Variants in MMP2 observed in about 807,000 individuals in gnomAD.
MMP2 encodes the protein 72 kDa type IV collagenase.
In MMP2, 39 loss-of-function variants were observed where a neutral mutation model predicts 74.8. That is an observed-to-expected ratio of 0.52 (90% CI 0.40 to 0.68). The LOEUF (loss-of-function observed/expected upper bound fraction) is 0.68. Among genes scored for constraint, MMP2 ranks in the 30% least tolerant of loss-of-function variants. The pLI is 0.00. For synonymous variants in MMP2, 367 were observed against 339.8 expected, an observed-to-expected ratio of 1.08 and a Z score of -0.88; for missense variants, 803 against 878.3, an observed-to-expected ratio of 0.91 and a Z score of 1.08.
chr16:55,505,311 G>C (rs773774651), intron 12 of MMP2, 28 bp from the exon 13 acceptor site: 1 of 1,579,778 alleles, frequency 6.3e-7, no homozygotes, highest in East Asian at 2.2e-5. Context: ...GGATAAGGGG[G>C]TCACGGTCTC....
At chr16:55,503,114 G>C (rs1037978533) in intron 12 of MMP2, among the ~76,000 whole-genome samples, 1 of 152,226 alleles carries the variant, frequency 6.6e-6, no homozygotes, top group Non-Finnish European at 1.5e-5. Context: ...TCTCACAGCT[G>C]CAGGGCCTGG....
At chr16:55,486,622 A>T (rs1396175657) in intron 5 of MMP2, 4 of 152,082 alleles carry the variant, frequency 2.6e-5, no homozygotes, top group African/African-American at 9.7e-5. Flanking sequence ...AATCCTTTTT[A>T]AAAATATCCT....
Position 55,483,049 on chromosome 16 carries a change from G to T in MMP2, c.294G>T (p.Arg98=). 1 of 1,614,208 alleles carries T rather than the reference G, an allele frequency of 6.2e-7. No homozygotes were observed. The highest frequency in any genetic ancestry group is 1.3e-5 in the African/African-American group (1 of 75,042). Residue 98 remains arginine, a synonymous_variant, in exon 2 of 13, where the codon CGG becomes CGT. Transcript: ENST00000219070. ...ACCAGAATACCATCGAGACCATGCG[G>T]AAGCCACGCTGCGGCAACCCAGATG... ...DLDQNTIETM[R]KPRCGNPDVA... is the part of the protein sequence containing the mutation.
chr16:55,484,355 G>C (rs775465685), intron 3 of MMP2, among the ~76,000 whole-genome samples, 191 bp downstream of exon 3: 49 of 152,164 alleles, frequency 3.2e-4, no homozygotes, highest in Non-Finnish European at 5.3e-4. Flanking sequence ...ACGTTGACAT[G>C]GGGGCAGATG....
chr16:55,485,315 C>A lies in MMP2; in HGVS notation c.546C>A (p.Tyr182Ter). 4 of 1,614,108 alleles carry A rather than the reference C, an allele frequency of 2.5e-6. No homozygotes were observed. Among genetic ancestry groups the A allele is most frequent in the Non-Finnish European group, 3.4e-6 (4 of 1,180,010 alleles). ...GTGTTTCAGAGCATGGCGATGGATA[C>A]CCCTTTGACGGTAAGGACGGACTCC... Reference protein sequence around the residue: ...NFGRWEHGDGYPFDGKDGLLA... With the variant: ...NFGRWEHGDG The change falls in exon 4 of 13, where the codon TAC becomes TAA. Residue 182 changes from tyrosine to a stop codon, truncating the protein, a stop_gained. Transcript: ENST00000219070. LOFTEE classifies it high-confidence loss of function.
chr16:55,483,484 T>C (rs1962160225), intron 2 of MMP2, among the ~76,000 whole-genome samples: 1 of 152,194 alleles, frequency 6.6e-6, no homozygotes, highest in South Asian at 2.1e-4. Flanking sequence ...AGTGTAGTAA[T>C]GCTAGTCATT....
intron 6 of MMP2, among the ~76,000 whole-genome samples, chr16:55,489,215 G>T (rs1962339055): frequency 6.6e-6 from 1 of 151,994 alleles, no homozygotes; most frequent in Admixed American, 6.5e-5. Flanking sequence ...CGCCTGCTTT[G>T]TGCAGCATAC....
chr16:55,493,090 T>A (rs1962451195), intron 8 of MMP2, 68 bp from the exon 9 acceptor site: 1 of 1,596,618 alleles, frequency 6.3e-7, no homozygotes, highest in Admixed American at 1.7e-5. Flanking sequence ...TGGGCACCCC[T>A]GGGGGCTCAC....
At chr16:55,500,494 T>TACACACACACACTCAC (rs1962640596) in intron 11 of MMP2, among the ~76,000 whole-genome samples, 1 of 136,194 alleles carries the variant, frequency 7.3e-6, no homozygotes, top group Non-Finnish European at 1.5e-5. Flanking sequence ...CATGTGCGCA[T>TACACACACACACTCAC]ACACACACAC....
rs1351381966 is a variant in MMP2, at chr16:55,493,206, G to A, written c.1385G>A (p.Gly462Asp). Residue 462 changes from glycine to aspartate, a missense_variant, in exon 9 of 13, where the codon GGC becomes GAC. Physicochemically the swap from Gly to Asp is moderately conservative, Grantham distance 94 (BLOSUM62 -1). Around this residue, in one of 3 missense-constraint regions of MMP2, gnomAD observed 555 missense variants for 592.0 expected, o/e 0.94. Coordinates refer to ENST00000219070, the MANE Select transcript of MMP2 (RefSeq NM_004530.6). ...GGCACCGGCCCCACCCCCACGCTGG[G>A]CCCTGTCACTCCTGAGATCTGCAAA... is the stretch of plus-strand genomic sequence containing the variant. The part of the protein sequence containing the change: ...DLGTGPTPTL[G>D]PVTPEICKQD... The A allele has an allele frequency of 6.8e-6, 11 of 1,613,966 alleles. No homozygotes were observed. The highest frequency in any genetic ancestry group is 9.3e-6 in the Non-Finnish European group (11 of 1,180,026).
chr16:55,497,994 T>C (rs1291896759), intron 10 of MMP2, among the ~76,000 whole-genome samples: 2 of 152,162 alleles, frequency 1.3e-5, no homozygotes, highest in African/African-American at 4.8e-5. Context: ...TTTTTGCAAA[T>C]TAGCAAAAGG....
intron 11 of MMP2, among the ~76,000 whole-genome samples, chr16:55,500,494 TACACACACAC>T (rs55996787): frequency 0.012 from 1,591 of 136,250 alleles, 18 homozygotes; most frequent in Middle Eastern, 0.035. Flanking sequence ...CATGTGCGCA[TACACACACAC>T]ACACACACAC....
chr16:55,479,503 C>T lies in MMP2; in HGVS notation c.24C>T (p.Gly8=). The T allele has an allele frequency of 6.3e-7, 1 of 1,591,378 alleles. No homozygotes were observed. Among genetic ancestry groups the T allele is most frequent in the Non-Finnish European group, 8.6e-7 (1 of 1,169,482 alleles). The change falls in exon 1 of 13, where the codon GGC becomes GGT. Residue 8 remains glycine, a synonymous_variant. Coordinates refer to ENST00000219070, the MANE Select transcript of MMP2 (RefSeq NM_004530.6). MEALMAR[G]ALTGPLRALC... is the part of the protein sequence containing the mutation. ...CGATGGAGGCGCTAATGGCCCGGGG[C>T]GCGCTCACGGGTCCCCTGAGGGCGC...
chr16:55,497,662 G>A (rs1962563149), intron 10 of MMP2, among the ~76,000 whole-genome samples: 1 of 152,222 alleles, frequency 6.6e-6, no homozygotes, highest in African/African-American at 2.4e-5. Flanking sequence ...AGAAGTGGTA[G>A]AAATCATCAA....
Position 55,485,439 on chromosome 16 carries a change from G to A in MMP2, c.658+12G>A, listed in dbSNP as rs760444846. ...GGGAGAAGGCCAAGGTGAGAAAGGG[G>A]CCCTCTGCATGCCCCAGACCTTCTC... is the stretch of plus-strand genomic sequence containing the variant. On this transcript the variant is annotated intron_variant, in intron 4 of 12. Transcript: ENST00000219070. 2 of 1,614,072 alleles carry A rather than the reference G, an allele frequency of 1.2e-6. No homozygotes were observed. Among genetic ancestry groups the A allele is most frequent in the East Asian group, 2.2e-5 (1 of 44,858 alleles).
chr16:55,481,748 T>C, intron 1 of MMP2: 2 of 695,418 alleles, frequency 2.9e-6, no homozygotes, highest in South Asian at 3.2e-5. Flanking sequence ...AATCAAAGAG[T>C]GCATGAACCA....
rs1286748885 is a variant in MMP2 at position 55,497,057 on chromosome 16, T to A, written c.1604T>A (p.Phe535Tyr). 1.2e-6 allele frequency: 2 copies of A among 1,614,000 alleles called. No homozygotes were observed. The highest frequency in any genetic ancestry group is 1.7e-6 in the Non-Finnish European group (2 of 1,180,040). Residue 535 changes from phenylalanine (F) to tyrosine (Y), a missense_variant, in exon 10 of 13, where the codon TTT (phenylalanine) becomes TAT (tyrosine). Phe to Tyr is a conservative substitution (Grantham distance 22). This residue lies in a region of MMP2 where 555 missense variants were observed against 592.0 expected (regional missense o/e 0.94). Transcript: ENST00000219070. ...EAPQEEKAVF[F>Y]AGNEYWIYSA... The stretch of plus-strand genomic sequence containing the variant: ...CCACAGGAGGAGAAGGCTGTGTTCT[T>A]TGCAGGTGTGTGGGAAGCACCCTTC...
chr16:55,491,444 T>C (rs1396041314), intron 7 of MMP2, among the ~76,000 whole-genome samples: 4 of 152,166 alleles, frequency 2.6e-5, no homozygotes, highest in Admixed American at 2.0e-4. Context: ...TCATCTTTTA[T>C]AGAGAGACAT....
chr16:55,503,789 G>A (rs542165287), intron 12 of MMP2, among the ~76,000 whole-genome samples: 1 of 152,278 alleles, frequency 6.6e-6, no homozygotes, highest in South Asian at 2.1e-4. Context: ...GAGTCTGTGC[G>A]GAATCAGAGC....
Sources: allele counts gnomAD v4.1 joint callset (sites outside exome capture counted in the v4.1 genomes callset), GRCh38; gene constraint gnomAD v4.1.1; regional missense constraint gnomAD v4.1.1; transcripts MANE v1.5; gene names NCBI Gene and HGNC (gene_info 2026-07-23, HGNC 2026-07-21).